Variants in TSC1 observed in about 807,000 individuals in gnomAD.
TSC1 encodes TSC complex subunit 1.
In TSC1, 20 loss-of-function variants were observed where a neutral mutation model predicts 124.3. That is an observed-to-expected ratio of 0.16 (90% confidence interval 0.11 to 0.23). TSC1 has a LOEUF of 0.23. TSC1 is among the 10% of genes least tolerant of loss of function. The pLI, the probability that TSC1 is intolerant of heterozygous loss-of-function variation, is 1.00. For synonymous variants in TSC1, 493 were observed against 539.1 expected (o/e 0.91, Z 1.19); for missense variants, 1,124 against 1,448.5 (o/e 0.78, Z 3.64).
intron 1 of TSC1, among the ~76,000 whole-genome samples, chr9:132,938,827 G>A (rs1191710946): frequency 2.6e-5 from 4 of 152,036 alleles, no homozygotes; most frequent in African/African-American, 9.7e-5. Flanking sequence ...GTGAATATTC[G>A]AATTTTTCAA....
rs1844961072 is a variant in TSC1, at chr9:132,895,024, C to G, written c.*1211G>C. ...AGCCTAGTGGGTATACACAGCCAGC[C>G]TTTGCCAGCATTCTCCCGGACTCTG... On this transcript the variant is annotated 3_prime_UTR_variant, in exon 23 of 23. Coordinates refer to ENST00000298552, the MANE Select transcript of TSC1 (RefSeq NM_000368.5). The G allele has an allele frequency of 4.3e-6, 1 of 232,660 alleles. No homozygotes were observed. The highest frequency in any genetic ancestry group is 8.5e-6 in the Non-Finnish European group (1 of 117,546). The allele number at this position is 232,660 out of a possible 1,614,324, so 14.4% of individuals were successfully genotyped here.
chr9:132,923,615 CTCAT>C lies in TSC1; in HGVS notation c.364-127_364-124del. The C allele has an allele frequency of 7.5e-7, 1 of 1,338,836 alleles. No homozygotes were observed. The allele number at this position is 1,338,836 out of a possible 1,614,324, so 82.9% of individuals were successfully genotyped here. ...CACAAATCACAAGTTGACTCACGTA[CTCAT>C]TTCCCTATCCCTAAGGATTACTGAA... is the stretch of plus-strand genomic sequence containing the variant. On this transcript the variant is annotated intron_variant, in intron 5 of 22. Transcript: ENST00000298552. This position sits in a 1 kb window ranked among gnomAD's most constrained non-coding sequence, Gnocchi z 4.2.
chr9:132,927,381 C>T, intron 3 of TSC1, 77 bp from the exon 4 acceptor site: 1 of 1,362,948 alleles, frequency 7.3e-7, no homozygotes, highest in Admixed American at 1.9e-5. Context: ...CTTCCTGTCA[C>T]AAAATCCAGA....
intron 3 of TSC1, 141 bp downstream of exon 3, chr9:132,928,626 A>C (rs1245613744): frequency 1.9e-6 from 2 of 1,035,896 alleles, no homozygotes; most frequent in East Asian, 2.7e-5. Flanking sequence ...GAAAGTTTAA[A>C]ACACATATAG....
At chr9:132,932,450 T>C (rs1038851356) in intron 2 of TSC1, among the ~76,000 whole-genome samples, 5 of 152,214 alleles carry the variant, frequency 3.3e-5, no homozygotes, top group Non-Finnish European at 7.3e-5. Context: ...CTACTCTCCT[T>C]GCTTGTATTC....
In TSC1 at chr9:132,927,208, T is replaced by C. The variant is rs118203347; in HGVS notation, c.203A>G (p.His68Arg). Residue 68 changes from histidine (H) to arginine (R), a missense_variant, in exon 4 of 23, where the codon CAT becomes CGT. Physicochemically the swap from His to Arg is conservative, Grantham distance 29. Transcript: ENST00000298552. ...LHILTTLQEPHDKHLLDRINE... is the reference protein window; with the variant it reads ...LHILTTLQEPRDKHLLDRINE... ...TGATATTTCAGCCATTACCTTGTCA[T>C]GTGGCTCTTGCAAGGTGGTCAGGAT... 1.2e-6 allele frequency: 2 copies of C among 1,613,742 alleles called. No homozygotes were observed. The highest frequency in any genetic ancestry group is 1.7e-5 in the Admixed American group (1 of 59,990).
intron 2 of TSC1, among the ~76,000 whole-genome samples, chr9:132,930,893 CA>C (rs1847164778): frequency 6.6e-6 from 1 of 151,990 alleles, no homozygotes; most frequent in South Asian, 2.1e-4. Flanking sequence ...CAAAGGGCTC[CA>C]AAATGTGAGA....
At chr9:132,924,060 A>AT (rs1409816438) in intron 5 of TSC1, among the ~76,000 whole-genome samples, 3 of 78,294 alleles carry the variant, frequency 3.8e-5, no homozygotes, top group Admixed American at 2.5e-4. Flanking sequence ...CAGTAAATTA[A>AT]AATATATATA....
At chr9:132,916,981 G>A (rs1846298359) in intron 8 of TSC1, among the ~76,000 whole-genome samples, 1 of 152,188 alleles carries the variant, frequency 6.6e-6, no homozygotes, top group African/African-American at 2.4e-5. Context: ...CATATGGGAA[G>A]GAAATTTGAG....
rs553125687 is a variant in TSC1 at position 132,928,727 on chromosome 9, T to C, written c.106+40A>G. Reference sequence around the variant, plus strand: ...TAGTGGCTCTAAAGTCAATCTCTTCTTTCTAGAAGATAAGCTAAAAAGGAT... The same window carrying C: ...TAGTGGCTCTAAAGTCAATCTCTTCCTTCTAGAAGATAAGCTAAAAAGGAT... On this transcript the variant is annotated intron_variant, in intron 3 of 22. Transcript: ENST00000298552. 24 of 1,611,648 alleles carry C rather than the reference T, an allele frequency of 1.5e-5. No homozygotes were observed. The South Asian group carries it at 2.5e-4, about 17-fold the overall frequency.
chr9:132,937,214 TG>T (rs1847499336), intron 1 of TSC1, among the ~76,000 whole-genome samples: 1 of 152,080 alleles, frequency 6.6e-6, no homozygotes, highest in South Asian at 2.1e-4. Context: ...GAGGCCAAGG[TG>T]GGCGGATCAC....
In TSC1 at chr9:132,906,444, G is replaced by A. The variant is rs1188942540; in HGVS notation, c.1438+287C>T. The A allele has an allele frequency of 5.6e-6, 3 of 531,550 alleles. No individual in the cohort carries two copies. The highest frequency in any genetic ancestry group is 3.8e-5 in the African/African-American group (2 of 52,424). 32.9% of individuals were successfully genotyped at this position (531,550 alleles called of 1,614,324 possible). On this transcript the variant is annotated intron_variant, in intron 14 of 22. Transcript: ENST00000298552. The surrounding 1 kb of genome is among the most constrained non-coding windows in gnomAD (Gnocchi z 4.1). ...TATGCCTGTGGTCCCAGCTACTCAG[G>A]AGGCTGAGGTGGGCGGATTGCTTGA...
intron 20 of TSC1, among the ~76,000 whole-genome samples, chr9:132,898,674 C>T (rs1473805732): frequency 6.6e-6 from 1 of 152,228 alleles, no homozygotes; most frequent in East Asian, 1.9e-4. Context: ...GATAATCATG[C>T]AAAGCATTGA....
intron 8 of TSC1, among the ~76,000 whole-genome samples, chr9:132,914,166 C>G (rs1045447830): frequency 1.3e-5 from 2 of 152,040 alleles, no homozygotes; most frequent in African/African-American, 2.4e-5. Context: ...TCCCAAAGTG[C>G]TGGGATTACA....
chr9:132,902,881 T>C lies in TSC1; in HGVS notation c.2209-94A>G. ...ACATTTCATCTGAATAGTCATAAGC[T>C]ACCCTGAAAATGTAACTAACTACAG... On this transcript the variant is annotated intron_variant, in intron 17 of 22. Transcript: ENST00000298552. The surrounding 1 kb of genome is among the most constrained non-coding windows in gnomAD (Gnocchi z 5.2). The C allele has an allele frequency of 6.7e-7, 1 of 1,497,066 alleles. No individual in the cohort carries two copies. Among genetic ancestry groups the C allele is most frequent in the Non-Finnish European group, 9.2e-7 (1 of 1,082,276 alleles). The allele number at this position is 1,497,066 out of a possible 1,614,324, so 92.7% of individuals were successfully genotyped here.
At chr9:132,939,656 T>G (rs1847636816) in intron 1 of TSC1, among the ~76,000 whole-genome samples, 1 of 152,218 alleles carries the variant, frequency 6.6e-6, no homozygotes, top group Admixed American at 6.5e-5. Context: ...GCCAAACAGA[T>G]ACCATGTATA....
chr9:132,895,631 C>A lies in TSC1; in HGVS notation c.*604G>T. 4.3e-6 allele frequency: 1 copy of A among 235,084 alleles called. No individual in the cohort carries two copies. Among genetic ancestry groups the A allele is most frequent in the Admixed American group, 5.5e-5 (1 of 18,104 alleles). 14.6% of individuals were successfully genotyped at this position (235,084 alleles called of 1,614,324 possible). ...GAACTTTCTAGGAAGCTTATCAGAA[C>A]TGCCAAAAGAATGCAAGTATGAATA... is the stretch of plus-strand genomic sequence containing the variant. On this transcript the variant is annotated 3_prime_UTR_variant, in exon 23 of 23. Coordinates refer to ENST00000298552, the MANE Select transcript of TSC1 (RefSeq NM_000368.5).
In TSC1 at chr9:132,904,426, A is replaced by T. The variant is rs748901883; in HGVS notation, c.2026T>A (p.Trp676Arg). 1.1e-5 allele frequency: 17 copies of T among 1,614,008 alleles called. No individual in the cohort carries two copies. Among genetic ancestry groups the T allele is most frequent in the Admixed American group, 1.7e-5 (1 of 60,002 alleles). Residue 676 changes from tryptophan (W) to arginine (R), a missense_variant, in exon 16 of 23, where the codon TGG becomes AGG. Physicochemically the swap from Trp to Arg is moderately radical, Grantham distance 101 (BLOSUM62 -3). Around this residue, in one of 5 missense-constraint regions of TSC1, gnomAD observed 321 missense variants for 397.4 expected, o/e 0.81. Transcript: ENST00000298552. ...KLPLPSKSVD[W>R]THFGGSPPSD... ...ACAACTTTACCTCCAAAGTGGGTCCAGTCGACAGACTTGCTGGGTAAAGGC... is the reference window on the plus strand; with the variant it reads ...ACAACTTTACCTCCAAAGTGGGTCCTGTCGACAGACTTGCTGGGTAAAGGC...
rs1296548053 is a variant in TSC1, at chr9:132,893,521, C to G, written c.*2714G>C. 1.3e-5 allele frequency: 3 copies of G among 233,120 alleles called. No individual in the cohort carries two copies. Among genetic ancestry groups the G allele is most frequent in the Non-Finnish European group, 8.5e-6 (1 of 118,044 alleles). 14.4% of individuals were successfully genotyped at this position (233,120 alleles called of 1,614,324 possible). On this transcript the variant is annotated 3_prime_UTR_variant, in exon 23 of 23. Transcript: ENST00000298552. Reference sequence around the variant, plus strand: ...GCTCATTTGCTCTGCGTCTTCCTATCCCCCTCCCCGCTAAAACTGTAGTGC... The same window carrying G: ...GCTCATTTGCTCTGCGTCTTCCTATGCCCCTCCCCGCTAAAACTGTAGTGC...
Sources: allele counts gnomAD v4.1 joint callset (sites outside exome capture counted in the v4.1 genomes callset), GRCh38; gene constraint gnomAD v4.1.1; regional missense constraint gnomAD v4.1.1; non-coding constraint Gnocchi (gnomAD v3.1); transcripts MANE v1.5; gene names NCBI Gene and HGNC (gene_info 2026-07-23, HGNC 2026-07-21).